The following TMEM236 variants were observed in gnomAD, a reference collection of about 807,000 sequenced individuals.
TMEM236 encodes the protein family with sequence similarity 23, member A.
Under a neutral mutation model 14.7 loss-of-function variants are expected in TMEM236, and 11 were observed. That is an observed-to-expected ratio of 0.75 (90% CI 0.47 to 1.24). The LOEUF (loss-of-function observed/expected upper bound fraction) is 1.24, where lower values mean the gene tolerates loss of function less well. Among genes scored for constraint, TMEM236 ranks in the 50% most tolerant of loss-of-function variants. The pLI is 0.00. For missense variants in TMEM236, 464 were observed against 427.3 expected (o/e 1.09, Z -0.76); for synonymous variants, 182 against 168.6 (o/e 1.08, Z -0.62).
At chr10:17,785,357 G>A (rs1837817414) in intron 3 of TMEM236, among the ~76,000 whole-genome samples, 2 of 152,270 alleles carry the variant, frequency 1.3e-5, no homozygotes, top group African/African-American at 4.8e-5. Flanking sequence ...AGATTATGAT[G>A]CCCACTCTGA....
intron 1 of TMEM236, among the ~76,000 whole-genome samples, chr10:17,754,625 C>A (rs1837257012): frequency 6.6e-6 from 1 of 152,104 alleles, no homozygotes; most frequent in African/African-American, 2.4e-5. Flanking sequence ...CCAAAGCTGG[C>A]CTACTTAGAC....
intron 1 of TMEM236, among the ~76,000 whole-genome samples, chr10:17,761,928 T>C (rs1589139857): frequency 6.6e-6 from 1 of 152,170 alleles, no homozygotes; most frequent in Non-Finnish European, 1.5e-5. Context: ...CTTTATTACC[T>C]TGTGTTGAAA....
At position 17,796,824 on chromosome 10, in the gene TMEM236, C is replaced by G; in HGVS notation, c.*320C>G. On this transcript the variant is annotated 3_prime_UTR_variant, in exon 4 of 4. Transcript: ENST00000377495. ...CCAGTACTGGTCCGTGATCTGTTAGCAAGCAGACCGCACAGCACGTGGTGA... is the reference window on the plus strand; with the variant it reads ...CCAGTACTGGTCCGTGATCTGTTAGGAAGCAGACCGCACAGCACGTGGTGA... 2.8e-6 allele frequency: 1 copy of G among 362,206 alleles called. No homozygotes were observed. Among genetic ancestry groups the G allele is most frequent in the Non-Finnish European group, 5.1e-6 (1 of 194,500 alleles). The allele number at this position is 362,206 out of a possible 1,614,324, so 22.4% of individuals were successfully genotyped here. A position where few individuals can be genotyped will look rare whatever the true frequency, so the allele number is the denominator to read the frequency against.
At chr10:17,775,889 C>A in intron 2 of TMEM236, 140 bp from the exon 3 acceptor site, 4 of 1,031,146 alleles carry the variant, frequency 3.9e-6, no homozygotes, top group Non-Finnish European at 6.0e-6. Context: ...CATTTAAAAC[C>A]TGATGAGTTA....
rs1837936754 is a variant in TMEM236, at chr10:17,792,211, C to T, written c.473-3710C>T. On this transcript the variant is annotated intron_variant, in intron 3 of 3. Coordinates refer to ENST00000377495, the MANE Select transcript of TMEM236 (RefSeq NM_001098844.3). ...CAAGTAATTTTCCTGCCTCAGCCTC[C>T]TGAGTAGCAGGGATTACACACGTGC... Among the ~76,000 whole-genome samples, 5 of 152,308 alleles carry T rather than the reference C, an allele frequency of 3.3e-5. No homozygotes were observed. The South Asian group carries it at 1.0e-3, about 32-fold the overall frequency.
chr10:17,754,924 TTTTATTTATTTA>T (rs372416227), intron 1 of TMEM236, among the ~76,000 whole-genome samples: 2 of 146,672 alleles, frequency 1.4e-5, no homozygotes, highest in Non-Finnish European at 1.5e-5. Flanking sequence ...CATACTGATG[TTTTATTTATTTA>T]TTTATTTATT....
At chr10:17,765,494 A>G (rs1837447878) in intron 1 of TMEM236, among the ~76,000 whole-genome samples, 1 of 152,186 alleles carries the variant, frequency 6.6e-6, no homozygotes, top group African/African-American at 2.4e-5. Flanking sequence ...TTGGGATATG[A>G]TTCCTCCTGG....
intron 3 of TMEM236, among the ~76,000 whole-genome samples, chr10:17,785,831 T>C (rs1837827316): frequency 1.3e-5 from 2 of 152,114 alleles, no homozygotes; most frequent in East Asian, 3.9e-4. Context: ...GGATTTTTTT[T>C]CCTCTTCTCA....
chr10:17,766,650 A>G (rs1453299262), intron 1 of TMEM236, among the ~76,000 whole-genome samples: 3 of 152,202 alleles, frequency 2.0e-5, no homozygotes, highest in Non-Finnish European at 2.9e-5. Flanking sequence ...TAGGTGTTAC[A>G]GCAGCATTCC....
Position 17,796,538 on chromosome 10 carries a change from A to T in TMEM236, c.*34A>T. Reference sequence around the variant, plus strand: ...TGGGATCTAGTAAGGCCTCTTTGTGATACCTGTGTGCACATTTGTAATCCT... The same window carrying T: ...TGGGATCTAGTAAGGCCTCTTTGTGTTACCTGTGTGCACATTTGTAATCCT... On this transcript the variant is annotated 3_prime_UTR_variant, in exon 4 of 4. Transcript: ENST00000377495. 6.6e-7 allele frequency: 1 copy of T among 1,524,178 alleles called. No individual in the cohort carries two copies. The highest frequency in any genetic ancestry group is 9.1e-7 in the Non-Finnish European group (1 of 1,098,684). The allele number at this position is 1,524,178 out of a possible 1,614,324, so 94.4% of individuals were successfully genotyped here. A position where few individuals can be genotyped will look rare whatever the true frequency, so the allele number is the denominator to read the frequency against.
chr10:17,765,342 A>G (rs1421770806), intron 1 of TMEM236, among the ~76,000 whole-genome samples: 2 of 152,230 alleles, frequency 1.3e-5, no homozygotes, highest in African/African-American at 4.8e-5. Context: ...TTGGTGTGCA[A>G]AATAGACTCA....
intron 2 of TMEM236, among the ~76,000 whole-genome samples, chr10:17,773,935 C>T (rs930430273): frequency 6.6e-6 from 1 of 152,048 alleles, no homozygotes; most frequent in Non-Finnish European, 1.5e-5. Context: ...TTATTGCTTT[C>T]CTTTATGGAT....
chr10:17,794,231 G>T (rs1414146547), intron 3 of TMEM236, among the ~76,000 whole-genome samples: 2 of 151,896 alleles, frequency 1.3e-5, no homozygotes, highest in Non-Finnish European at 2.9e-5. Context: ...AGTTCCACGC[G>T]CTTCAACAAA....
At position 17,752,220 on chromosome 10, in the gene TMEM236, C is replaced by T; in HGVS notation, c.-76C>T. 6.2e-7 allele frequency: 1 copy of T among 1,612,268 alleles called. No individual in the cohort carries two copies. The highest frequency in any genetic ancestry group is 1.1e-5 in the South Asian group (1 of 90,732). On this transcript the variant is annotated 5_prime_UTR_variant, in exon 1 of 4. Coordinates refer to ENST00000377495, the MANE Select transcript of TMEM236 (RefSeq NM_001098844.3). ...GAGGACAAGGAACTTGATCCCAGTT[C>T]AGTGTCTGTGGGTCCATATGCTGCC...
intron 3 of TMEM236, among the ~76,000 whole-genome samples, chr10:17,794,764 A>G (rs1161459084): frequency 2.0e-5 from 3 of 152,178 alleles, no homozygotes; most frequent in Non-Finnish European, 4.4e-5. Context: ...TAGGCCAGGC[A>G]CTGTGGCTCA....
rs1589156096 is a variant in TMEM236 at position 17,798,142 on chromosome 10, G to A, written c.*1638G>A. On this transcript the variant is annotated 3_prime_UTR_variant, in exon 4 of 4. Coordinates refer to ENST00000377495, the MANE Select transcript of TMEM236 (RefSeq NM_001098844.3). ...TCAGATGCTAGAGAGATTTGTGAGAGGCTGATAATGCAAGAGTAATGATTT... is the reference window on the plus strand; with the variant it reads ...TCAGATGCTAGAGAGATTTGTGAGAAGCTGATAATGCAAGAGTAATGATTT... 1 of 192,604 alleles carries A rather than the reference G, an allele frequency of 5.2e-6. No individual in the cohort carries two copies. Among genetic ancestry groups the A allele is most frequent in the Non-Finnish European group, 1.1e-5 (1 of 92,800 alleles). The allele number at this position is 192,604 out of a possible 1,614,324, so 11.9% of individuals were successfully genotyped here.
At chr10:17,764,566 A>T (rs529637528) in intron 1 of TMEM236, among the ~76,000 whole-genome samples, 2,001 of 152,306 alleles carry the variant, frequency 0.013, 51 homozygotes, top group African/African-American at 0.046. Context: ...TGGCTTAAAC[A>T]ACAGAAATTT....
At chr10:17,782,674 A>C (rs958746873) in intron 3 of TMEM236, among the ~76,000 whole-genome samples, 3 of 151,340 alleles carry the variant, frequency 2.0e-5, no homozygotes, top group Non-Finnish European at 4.4e-5. Flanking sequence ...CTGGTCTTCA[A>C]CTCCTGACCT....
Position 17,797,360 on chromosome 10 carries a change from C to T in TMEM236, c.*856C>T, listed in dbSNP as rs1002086973. 1 of 149,026 alleles carries T rather than the reference C, an allele frequency of 6.7e-6. No homozygotes were observed. The highest frequency in any genetic ancestry group is 1.5e-5 in the Non-Finnish European group (1 of 67,744). The allele number at this position is 149,026 out of a possible 1,614,324, so 9.2% of individuals were successfully genotyped here. On this transcript the variant is annotated 3_prime_UTR_variant, in exon 4 of 4. Transcript: ENST00000377495. The stretch of plus-strand genomic sequence containing the variant: ...CTAGGCTGGAGTGCGATGGCGCGTT[C>T]TCAGCTCACTGCAACCTGTATCTCC...
Sources: gnomAD v4.1 joint callset for allele counts (sites outside exome capture counted in the v4.1 genomes callset) on GRCh38, gnomAD v4.1.1 for gene constraint, MANE v1.5 for transcripts, NCBI Gene and HGNC (gene_info 2026-07-23, HGNC 2026-07-21) for gene names.